Variants in PLXNC1 observed in about 807,000 individuals in gnomAD.
The protein encoded by PLXNC1 is plexin-C1.
In PLXNC1, 75 loss-of-function variants were observed where a neutral mutation model predicts 178.2. The observed-to-expected ratio is 0.42, with a 90% CI of 0.35 to 0.51. PLXNC1 has a LOEUF of 0.51. Among genes scored for constraint, PLXNC1 ranks in the 20% least tolerant of loss-of-function variants. PLXNC1 has a pLI of 0.02. For missense variants in PLXNC1, 1,503 were observed against 1,984.4 expected (o/e 0.76, Z 4.61); for synonymous variants, 790 against 779.9 (o/e 1.01, Z -0.22).
chr12:94,199,231 G>A (rs1963034456), intron 4 of PLXNC1, among the ~76,000 whole-genome samples: 1 of 152,200 alleles, frequency 6.6e-6, no homozygotes, highest in South Asian at 2.1e-4. Context: ...GACAATTTGA[G>A]ACAGAAGAGC....
intron 23 of PLXNC1, among the ~76,000 whole-genome samples, chr12:94,291,593 G>A (rs1208036403): frequency 6.6e-6 from 1 of 152,088 alleles, no homozygotes; most frequent in East Asian, 1.9e-4. Flanking sequence ...GTGGTTTTAG[G>A]TATACTTATA....
At chr12:94,266,813 T>C (rs375340368) in intron 21 of PLXNC1, among the ~76,000 whole-genome samples, 1 of 152,242 alleles carries the variant, frequency 6.6e-6, no homozygotes, top group African/African-American at 2.4e-5. Context: ...TTGCCAGGCA[T>C]GTGAGTGCTA....
At chr12:94,212,722 CTTTTTTTTT>C (rs538048142) in intron 5 of PLXNC1, among the ~76,000 whole-genome samples, 1 of 136,164 alleles carries the variant, frequency 7.3e-6, no homozygotes, top group African/African-American at 2.7e-5. Context: ...CTTTTCTTTT[CTTTTTTTTT>C]TTTTTTGAGA....
rs2136228439 is a variant in PLXNC1, at chr12:94,301,058, G to C, written c.4386+1G>C. The C allele has an allele frequency of 6.2e-7, 1 of 1,613,452 alleles. No individual in the cohort carries two copies. The highest frequency in any genetic ancestry group is 1.1e-5 in the South Asian group (1 of 91,038). ...TCTCACAGAGCAGCAACTAGGGAAG[G>C]TAAGGCCCAGCTTGAGTATTTCTTG... is the stretch of plus-strand genomic sequence containing the variant. On this transcript the variant is annotated splice_donor_variant, in intron 28 of 30. Transcript: ENST00000258526. LOFTEE classifies it high-confidence loss of function.
At chr12:94,180,248 AC>A (rs1962258607) in intron 2 of PLXNC1, among the ~76,000 whole-genome samples, 1 of 152,002 alleles carries the variant, frequency 6.6e-6, no homozygotes, top group Non-Finnish European at 1.5e-5. Context: ...CACTGAAGCC[AC>A]CCTGGCCTCC....
intron 15 of PLXNC1, among the ~76,000 whole-genome samples, chr12:94,252,382 G>C (rs1040507131): frequency 2.0e-5 from 3 of 152,150 alleles, no homozygotes; most frequent in African/African-American, 7.2e-5. Context: ...AGTGAGTTAT[G>C]ATCGTGCCAC....
chr12:94,154,429 A>G (rs919968809), intron 1 of PLXNC1, among the ~76,000 whole-genome samples: 18 of 152,240 alleles, frequency 1.2e-4, no homozygotes, highest in African/African-American at 3.6e-4. Flanking sequence ...GGCATTTTCT[A>G]TGGGTCAAGT....
At chr12:94,269,844 C>CA (rs769022317) in intron 21 of PLXNC1, among the ~76,000 whole-genome samples, 25 of 152,178 alleles carry the variant, frequency 1.6e-4, no homozygotes, top group Non-Finnish European at 3.4e-4. Context: ...GCTTCCTGAT[C>CA]AAAGAGTGAA....
chr12:94,257,759 T>A (rs1295825800), intron 17 of PLXNC1, among the ~76,000 whole-genome samples: 2 of 151,512 alleles, frequency 1.3e-5, no homozygotes, highest in African/African-American at 4.9e-5. Flanking sequence ...ACAAAAAAAT[T>A]AGCCAGGCAT....
intron 21 of PLXNC1, among the ~76,000 whole-genome samples, chr12:94,268,181 G>A (rs1051284106): frequency 9.9e-5 from 15 of 152,190 alleles, no homozygotes; most frequent in African/African-American, 3.6e-4. Context: ...CAATCTAAAA[G>A]TTAGCTTTCA....
In PLXNC1 at chr12:94,259,459, T is replaced by A. The variant is rs562711283; in HGVS notation, c.3126+84T>A. 1.0e-4 allele frequency: 124 copies of A among 1,209,446 alleles called. 1 individual carries two copies. In the African/African-American group the frequency reaches 1.7e-3, roughly 17 times the overall value. The allele number at this position is 1,209,446 out of a possible 1,614,324, so 74.9% of individuals were successfully genotyped here. A position where few individuals can be genotyped will look rare whatever the true frequency, so the allele number is the denominator to read the frequency against. On this transcript the variant is annotated intron_variant, in intron 18 of 30. Coordinates refer to ENST00000258526, the MANE Select transcript of PLXNC1 (RefSeq NM_005761.3). ...ATCATCACTATCATCTCTATTATTA[T>A]TACTTTGAATTTTTATTGTGGGTTT...
chr12:94,283,547 C>T (rs1451940361), intron 23 of PLXNC1, among the ~76,000 whole-genome samples: 1 of 152,124 alleles, frequency 6.6e-6, no homozygotes, highest in East Asian at 1.9e-4. Context: ...TTTGGCTGTA[C>T]GGGAGACGGG....
Position 94,182,431 on chromosome 12 carries a change from A to G in PLXNC1, c.1338+851A>G, listed in dbSNP as rs1055141473. Among the ~76,000 whole-genome samples, 6 of 149,642 alleles carry G rather than the reference A, an allele frequency of 4.0e-5. No homozygotes were observed. The East Asian group carries it at 5.8e-4, about 15-fold the overall frequency. On this transcript the variant is annotated intron_variant, in intron 3 of 30. Transcript: ENST00000258526. ...AGACCCTGTCTCAAAAAAAAAAAAAAAAAAAAAAAAAAGGCTGGGCATGGT... is the reference window on the plus strand; with the variant it reads ...AGACCCTGTCTCAAAAAAAAAAAAAGAAAAAAAAAAAAGGCTGGGCATGGT...
Position 94,237,612 on chromosome 12 carries a change from C to T in PLXNC1, c.1981-52C>T, listed in dbSNP as rs538899090. On this transcript the variant is annotated intron_variant, in intron 9 of 30. Transcript: ENST00000258526. Reference sequence around the variant, plus strand: ...AGCGTATAAACAGATTTTTTTGGAGCGATGCCATTTCTTAGCTTTGATCTC... The same window carrying T: ...AGCGTATAAACAGATTTTTTTGGAGTGATGCCATTTCTTAGCTTTGATCTC... 1.6e-5 allele frequency: 25 copies of T among 1,536,032 alleles called. No individual in the cohort carries two copies. The African/African-American group carries it at 1.7e-4, about 10-fold the overall frequency.
At chr12:94,167,714 C>T (rs1961669329) in intron 1 of PLXNC1, among the ~76,000 whole-genome samples, 2 of 152,174 alleles carry the variant, frequency 1.3e-5, no homozygotes, top group African/African-American at 4.8e-5. Context: ...TCCTCATCTT[C>T]CCATATTGCA....
chr12:94,278,547 G>C (rs1404639878), intron 21 of PLXNC1, among the ~76,000 whole-genome samples: 2 of 152,226 alleles, frequency 1.3e-5, no homozygotes, highest in Non-Finnish European at 2.9e-5. Flanking sequence ...AAAATGTTAA[G>C]TAATGGTGCT....
At chr12:94,207,454 G>A (rs1565809950) in intron 4 of PLXNC1, among the ~76,000 whole-genome samples, 1 of 151,908 alleles carries the variant, frequency 6.6e-6, no homozygotes, top group Non-Finnish European at 1.5e-5. Flanking sequence ...AGTCAGACAT[G>A]AATTAAAACT....
rs145827561 is a variant in PLXNC1 at position 94,191,879 on chromosome 12, G to A, written c.1439+5406G>A. The stretch of plus-strand genomic sequence containing the variant: ...ATTGTTGGAACCTCAGATCCAACCT[G>A]TGCTGAATTTGTCTGTGTGGGTGGA... On this transcript the variant is annotated intron_variant, in intron 4 of 30. Coordinates refer to ENST00000258526, the MANE Select transcript of PLXNC1 (RefSeq NM_005761.3). Among the ~76,000 whole-genome samples the A allele has an allele frequency of 1.6e-3, 245 of 152,224 alleles. 1 individual carries two copies. Among genetic ancestry groups the A allele is most frequent in the African/African-American group, 5.6e-3 (232 of 41,530 alleles).
intron 2 of PLXNC1, among the ~76,000 whole-genome samples, chr12:94,174,508 A>G: frequency 6.6e-6 from 1 of 152,238 alleles, no homozygotes; most frequent in South Asian, 2.1e-4. Flanking sequence ...TTCAAATCAC[A>G]GCAAAATTAA....
Sources: allele counts gnomAD v4.1 joint callset (sites outside exome capture counted in the v4.1 genomes callset), GRCh38; gene constraint gnomAD v4.1.1; transcripts MANE v1.5; gene names NCBI Gene and HGNC (gene_info 2026-07-23, HGNC 2026-07-21).